The following TPD52 variants were observed in gnomAD, a reference collection of about 807,000 sequenced individuals.
The protein encoded by TPD52 is tumor protein D52.
Under a neutral mutation model 31.3 loss-of-function variants are expected in TPD52, and 17 were observed. The ratio of observed to expected loss-of-function variants is 0.54; its 90% CI spans 0.37 to 0.82. The LOEUF (loss-of-function observed/expected upper bound fraction) is 0.82, where lower values mean the gene tolerates loss of function less well. Ranked by LOEUF, TPD52 falls within the 40% of genes least tolerant of loss-of-function variation. The pLI is 0.00. For missense variants in TPD52, 212 were observed against 240.1 expected (o/e 0.88, Z 0.77); for synonymous variants, 83 against 89.6 (o/e 0.93, Z 0.42).
chr8:80,040,224 T>C (rs1391812856), intron 7 of TPD52, among the ~76,000 whole-genome samples: 2 of 137,706 alleles, frequency 1.5e-5, no homozygotes, highest in Non-Finnish European at 3.1e-5. Context: ...AGACAGGGTC[T>C]GGCTCTGTCA....
intron 1 of TPD52, among the ~76,000 whole-genome samples, chr8:80,123,537 C>A (rs1232793602): frequency 1.3e-5 from 2 of 152,174 alleles, no homozygotes; most frequent in East Asian, 3.9e-4. Flanking sequence ...ACAAGCCTGG[C>A]AACACAGTAA....
At chr8:80,088,802 C>G (rs1167050782) in intron 1 of TPD52, among the ~76,000 whole-genome samples, 1 of 152,156 alleles carries the variant, frequency 6.6e-6, no homozygotes, top group Non-Finnish European at 1.5e-5. Flanking sequence ...AGAAGAGACA[C>G]TAGGGATGCT....
chr8:80,110,584 A>G (rs929594913), intron 1 of TPD52, among the ~76,000 whole-genome samples: 1 of 125,408 alleles, frequency 8.0e-6, no homozygotes, highest in Non-Finnish European at 1.7e-5. Flanking sequence ...ATAAATAAAT[A>G]AATAAATGAA....
At chr8:80,084,720 AC>A (rs1047435726) in intron 1 of TPD52, among the ~76,000 whole-genome samples, 1 of 152,196 alleles carries the variant, frequency 6.6e-6, no homozygotes, top group African/African-American at 2.4e-5. Context: ...CTATTACTCA[AC>A]CATGCTTTAG....
intron 1 of TPD52, among the ~76,000 whole-genome samples, chr8:80,136,470 G>A (rs1457843929): frequency 7.2e-6 from 1 of 139,850 alleles, no homozygotes; most frequent in African/African-American, 2.6e-5. Context: ...CTTGCAGTGA[G>A]CTGAGATCAC....
At position 80,053,349 on chromosome 8, in the gene TPD52, T is replaced by C. The variant is rs1455345174; in HGVS notation, c.217A>G (p.Ile73Val). ...HLAEIKRKLG[I>V]NSLQELKQNI... Reference sequence around the variant, plus strand: ...TGTTTTAGTTCCTGTAGAGAATTGATTCCAAGTTTCCGCTTGATCTCTGCT... The same window carrying C: ...TGTTTTAGTTCCTGTAGAGAATTGACTCCAAGTTTCCGCTTGATCTCTGCT... The change falls in exon 3 of 8, where the codon ATC (isoleucine) becomes GTC (valine). Residue 73 changes from isoleucine (I) to valine (V), a missense_variant. Physicochemically the swap from Ile to Val is conservative, Grantham distance 29. Transcript: ENST00000518937. 6.2e-7 allele frequency: 1 copy of C among 1,613,814 alleles called. No homozygotes were observed. The highest frequency in any genetic ancestry group is 8.5e-7 in the Non-Finnish European group (1 of 1,179,776).
intron 1 of TPD52, among the ~76,000 whole-genome samples, chr8:80,161,926 G>A (rs767730455): frequency 6.6e-6 from 1 of 151,852 alleles, no homozygotes; most frequent in Non-Finnish European, 1.5e-5. Context: ...ACAGGGTTTC[G>A]CTATGTTGGC....
At chr8:80,159,561 TG>T (rs1197379737) in intron 1 of TPD52, among the ~76,000 whole-genome samples, 1 of 152,180 alleles carries the variant, frequency 6.6e-6, no homozygotes, top group East Asian at 1.9e-4. Context: ...TGTGTGCCCC[TG>T]AAAAAGTTAT....
chr8:80,052,732 C>A lies in TPD52; in HGVS notation c.284+550G>T. On this transcript the variant is annotated intron_variant, in intron 3 of 7. Coordinates refer to ENST00000518937, the MANE Select transcript of TPD52 (RefSeq NM_001025253.3). ...AATGCTATATCATAGCATGTGTGGT[C>A]AAAAAGACAAAAAGCCTAAGGGATT... is the stretch of plus-strand genomic sequence containing the variant. 7.5e-6 allele frequency: 9 copies of A among 1,205,010 alleles called. No individual in the cohort carries two copies. In the South Asian group the frequency reaches 1.0e-4, roughly 14 times the overall value. 74.6% of individuals were successfully genotyped at this position (1,205,010 alleles called of 1,614,324 possible).
chr8:80,072,251 T>G (rs1813889815), intron 1 of TPD52, among the ~76,000 whole-genome samples: 1 of 151,786 alleles, frequency 6.6e-6, no homozygotes, highest in Non-Finnish European at 1.5e-5. Context: ...GAGGTTGCAG[T>G]GAGCTGAGAT....
At chr8:80,167,648 T>C (rs1811803891) in intron 1 of TPD52, among the ~76,000 whole-genome samples, 1 of 152,240 alleles carries the variant, frequency 6.6e-6, no homozygotes, top group East Asian at 1.9e-4. Context: ...CTACATTTGC[T>C]TTATTTTTAA....
At chr8:80,053,058 T>C (rs2130548626) in intron 3 of TPD52, 1 of 412,878 alleles carries the variant, frequency 2.4e-6, no homozygotes, top group Non-Finnish European at 4.3e-6. Context: ...ATTTTATTTC[T>C]CCAACTGGCT....
intron 1 of TPD52, among the ~76,000 whole-genome samples, chr8:80,125,916 C>T (rs1018550817): frequency 6.6e-6 from 1 of 152,192 alleles, no homozygotes; most frequent in African/African-American, 2.4e-5. Flanking sequence ...AATCATCACA[C>T]ACGGCCTAAG....
chr8:80,031,166 G>T (rs1188771809), downstream of TPD52, among the ~76,000 whole-genome samples: 1 of 152,112 alleles, frequency 6.6e-6, no homozygotes, highest in Non-Finnish European at 1.5e-5. Flanking sequence ...TTTATTTTGG[G>T]GGCACACACC....
At chr8:80,060,364 T>C (rs1336424091) in intron 2 of TPD52, among the ~76,000 whole-genome samples, 2 of 151,620 alleles carry the variant, frequency 1.3e-5, no homozygotes, top group East Asian at 1.9e-4. Context: ...GTAAAGAGAT[T>C]GAACAAGTAT....
intron 1 of TPD52, among the ~76,000 whole-genome samples, chr8:80,157,174 C>T (rs1402210346): frequency 6.6e-6 from 1 of 151,906 alleles, no homozygotes; most frequent in Non-Finnish European, 1.5e-5. Context: ...ATTAATAATC[C>T]AGTCAAGAGA....
intron 1 of TPD52, chr8:80,064,936 T>G: frequency 2.2e-6 from 1 of 447,532 alleles, no homozygotes; most frequent in Non-Finnish European, 4.3e-6. Context: ...TAAATCAGTA[T>G]AAATTAGATG....
intron 3 of TPD52, chr8:80,053,066 G>T: frequency 2.3e-6 from 1 of 430,874 alleles, no homozygotes; most frequent in Admixed American, 4.0e-5. Context: ...TCTCCAACTG[G>T]CTAGCTTTCT....
intron 1 of TPD52, among the ~76,000 whole-genome samples, chr8:80,066,597 G>A (rs185751796): frequency 1.3e-5 from 2 of 152,262 alleles, no homozygotes; most frequent in Admixed American, 1.3e-4. Flanking sequence ...ATCCTTTGGT[G>A]ATTCCTTACT....
Sources: gnomAD v4.1 joint callset for allele counts (sites outside exome capture counted in the v4.1 genomes callset) on GRCh38, gnomAD v4.1.1 for gene constraint, MANE v1.5 for transcripts, NCBI Gene and HGNC (gene_info 2026-07-23, HGNC 2026-07-21) for gene names.